MRPL57: variants seen among roughly 807,000 people sequenced by gnomAD.
The protein encoded by MRPL57 is large ribosomal subunit protein mL63.
Under a neutral mutation model 1.3 loss-of-function variants are expected in MRPL57, and 1 was observed. The observed-to-expected ratio is 0.79, with a 90% CI of 0.28 to 3.75. The LOEUF (loss-of-function observed/expected upper bound fraction) is 3.75, where lower values mean the gene tolerates loss of function less well. MRPL57 is among the 30% of genes most tolerant of loss of function. The pLI, the probability that MRPL57 is intolerant of heterozygous loss-of-function variation, is 0.19. For synonymous variants in MRPL57, 79 were observed against 61.7 expected, an observed-to-expected ratio of 1.28 and a Z score of -1.31; for missense variants, 170 against 148.9, an observed-to-expected ratio of 1.14 and a Z score of -0.74.
chr13:21,176,926 A>G lies in MRPL57; in HGVS notation c.10A>G (p.Thr4Ala). 6.2e-7 allele frequency: 1 copy of G among 1,608,398 alleles called. No individual in the cohort carries two copies. Among genetic ancestry groups the G allele is most frequent in the Non-Finnish European group, 8.5e-7 (1 of 1,179,268 alleles). Residue 4 changes from threonine (T) to alanine (A), a missense_variant, in exon 2 of 2, where the codon ACT becomes GCT. Coordinates refer to ENST00000309594, the MANE Select transcript of MRPL57 (RefSeq NM_024026.5). ...CTCTTCCGCAGGCACCATGTTCCTG[A>G]CTGCGCTCCTCTGGCGCGGCCGCAT... MFLTALLWRGRIPG... is the reference protein window; with the variant it reads MFLAALLWRGRIPG...
At position 21,176,910 on chromosome 13, in the gene MRPL57, A is replaced by G. The variant is rs367621487; in HGVS notation, c.-5-2A>G. 1.2e-4 allele frequency: 199 copies of G among 1,603,642 alleles called. No homozygotes were observed. The highest frequency in any genetic ancestry group is 1.2e-3 in the Middle Eastern group (7 of 6,042). On this transcript the variant is annotated splice_acceptor_variant, in intron 1 of 1. Coordinates refer to ENST00000309594, the MANE Select transcript of MRPL57 (RefSeq NM_024026.5). LOFTEE classifies it low-confidence loss of function (5UTR_SPLICE). ...CGCAAAGCCCGTCCCTCTCTTCCGC[A>G]GGCACCATGTTCCTGACTGCGCTCC... is the stretch of plus-strand genomic sequence containing the variant.
rs372686263 is a variant in MRPL57 at position 21,177,239 on chromosome 13, C to T, written c.*14C>T. On this transcript the variant is annotated 3_prime_UTR_variant, in exon 2 of 2. Transcript: ENST00000309594. Reference sequence around the variant, plus strand: ...AAATGGTCCTAATCCTGAGTCGTCACCCTTGGATTTTATGGATCACGGAGC... The same window carrying T: ...AAATGGTCCTAATCCTGAGTCGTCATCCTTGGATTTTATGGATCACGGAGC... The T allele has an allele frequency of 2.5e-6, 4 of 1,612,302 alleles. No individual in the cohort carries two copies. The highest frequency in any genetic ancestry group is 2.2e-5 in the East Asian group (1 of 44,892).
At position 21,177,647 on chromosome 13, in the gene MRPL57, G is replaced by C; in HGVS notation, c.*422G>C. ...ACATACTCCTAAAAACATTTTCCGG[G>C]ATTTTACTACTAAAATTGGACATTT... On this transcript the variant is annotated 3_prime_UTR_variant, in exon 2 of 2. Coordinates refer to ENST00000309594, the MANE Select transcript of MRPL57 (RefSeq NM_024026.5). 5.0e-6 allele frequency: 1 copy of C among 201,322 alleles called. No homozygotes were observed. The highest frequency in any genetic ancestry group is 9.5e-5 in the South Asian group (1 of 10,572). The allele number at this position is 201,322 out of a possible 1,614,324, so 12.5% of individuals were successfully genotyped here. A position where few individuals can be genotyped will look rare whatever the true frequency, so the allele number is the denominator to read the frequency against.
chr13:21,177,404 A>C lies in MRPL57; in HGVS notation c.*179A>C. 3 of 640,676 alleles carry C rather than the reference A, an allele frequency of 4.7e-6. No individual in the cohort carries two copies. The highest frequency in any genetic ancestry group is 8.2e-6 in the Non-Finnish European group (3 of 364,496). 39.7% of individuals were successfully genotyped at this position (640,676 alleles called of 1,614,324 possible). On this transcript the variant is annotated 3_prime_UTR_variant, in exon 2 of 2. Coordinates refer to ENST00000309594, the MANE Select transcript of MRPL57 (RefSeq NM_024026.5). ...AGAGCTCTAAACCCCCAATACTTAA[A>C]AGTCTAATTGCTGTCCTGTGGTTTC...
At position 21,177,023 on chromosome 13, in the gene MRPL57, T is replaced by A; in HGVS notation, c.107T>A (p.Ile36Asn). 1 of 1,613,190 alleles carries A rather than the reference T, an allele frequency of 6.2e-7. No individual in the cohort carries two copies. Residue 36 changes from isoleucine to asparagine, a missense_variant, in exon 2 of 2, where the codon ATC becomes AAC. By Grantham distance (149) the Ile-to-Asn change is moderately radical. Transcript: ENST00000309594. ...TCGTTGCGCGCCAAGCAGAACATGA[T>A]CCGCCGCCTGGAGATCGAGGCGGAG... ...FVSLRAKQNMIRRLEIEAENH... is the reference protein window; with the variant it reads ...FVSLRAKQNMNRRLEIEAENH...
In MRPL57 at chr13:21,177,276, A is replaced by C; in HGVS notation, c.*51A>C. 6 of 1,580,182 alleles carry C rather than the reference A, an allele frequency of 3.8e-6. No homozygotes were observed. The highest frequency in any genetic ancestry group is 5.2e-6 in the Non-Finnish European group (6 of 1,156,458). ...ATGGATCACGGAGCTGACCATCTTT[A>C]CCTGGTCCTGGAACTGAAAAACTGT... On this transcript the variant is annotated 3_prime_UTR_variant, in exon 2 of 2. Coordinates refer to ENST00000309594, the MANE Select transcript of MRPL57 (RefSeq NM_024026.5).
Position 21,177,064 on chromosome 13 carries a change from A to C in MRPL57, c.148A>C (p.Ser50Arg). ...CGAGGCGGAGAACCATTACTGGCTG[A>C]GCATGCCCTACATGACCCGGGAGCA... ...EIEAENHYWLSMPYMTREQER... is the reference protein window; with the variant it reads ...EIEAENHYWLRMPYMTREQER... Residue 50 changes from serine (S) to arginine (R), a missense_variant, in exon 2 of 2, where the codon AGC becomes CGC. Physicochemically the swap from Ser to Arg is moderately radical, Grantham distance 110. Coordinates refer to ENST00000309594, the MANE Select transcript of MRPL57 (RefSeq NM_024026.5). The C allele has an allele frequency of 6.2e-7, 1 of 1,613,794 alleles. No individual in the cohort carries two copies. The highest frequency in any genetic ancestry group is 8.5e-7 in the Non-Finnish European group (1 of 1,180,000).
chr13:21,177,408 C>T lies in MRPL57; in HGVS notation c.*183C>T. On this transcript the variant is annotated 3_prime_UTR_variant, in exon 2 of 2. Transcript: ENST00000309594. ...CTCTAAACCCCCAATACTTAAAAGT[C>T]TAATTGCTGTCCTGTGGTTTCATTA... 1.6e-6 allele frequency: 1 copy of T among 638,532 alleles called. No homozygotes were observed. Among genetic ancestry groups the T allele is most frequent in the Non-Finnish European group, 2.8e-6 (1 of 362,868 alleles). 39.6% of individuals were successfully genotyped at this position (638,532 alleles called of 1,614,324 possible).
rs748929326 is a variant in MRPL57 at position 21,177,516 on chromosome 13, C to A, written c.*291C>A. ...CAATAAAGCCACAATGATTTGAGGT[C>A]TTTGCTTAAGTATGAGATACTTGAT... On this transcript the variant is annotated 3_prime_UTR_variant, in exon 2 of 2. Coordinates refer to ENST00000309594, the MANE Select transcript of MRPL57 (RefSeq NM_024026.5). The A allele has an allele frequency of 9.2e-6, 4 of 434,466 alleles. No homozygotes were observed. Among genetic ancestry groups the A allele is most frequent in the Admixed American group, 4.4e-5 (1 of 22,722 alleles). The allele number at this position is 434,466 out of a possible 1,614,324, so 26.9% of individuals were successfully genotyped here.
rs1871624536 is a variant in MRPL57 at position 21,177,162 on chromosome 13, C to T, written c.246C>T (p.Phe82=). The stretch of plus-strand genomic sequence containing the variant: ...TAAAGGCGGCCGCCACTTCCAAGTT[C>T]CCCCCGCATAGATTCATTGCGGACC... ...EAIKAAATSK[F]PPHRFIADQL... Residue 82 remains phenylalanine, a synonymous_variant, in exon 2 of 2, where the codon TTC becomes TTT. Transcript: ENST00000309594. 2.5e-6 allele frequency: 4 copies of T among 1,614,046 alleles called. No individual in the cohort carries two copies. The highest frequency in any genetic ancestry group is 1.7e-4 in the Middle Eastern group (1 of 6,058).
Position 21,177,424 on chromosome 13 carries a change from G to T in MRPL57, c.*199G>T. ...CTTAAAAGTCTAATTGCTGTCCTGT[G>T]GTTTCATTAGTCTGATAGGAAGATA... On this transcript the variant is annotated 3_prime_UTR_variant, in exon 2 of 2. Transcript: ENST00000309594. 1 of 611,120 alleles carries T rather than the reference G, an allele frequency of 1.6e-6. No individual in the cohort carries two copies. Among genetic ancestry groups the T allele is most frequent in the African/African-American group, 1.9e-5 (1 of 53,436 alleles). The allele number at this position is 611,120 out of a possible 1,614,324, so 37.9% of individuals were successfully genotyped here.
intron 1 of MRPL57, 85 bp downstream of exon 1, chr13:21,176,802 G>A: frequency 8.7e-7 from 1 of 1,149,952 alleles, no homozygotes. Context: ...CTCTGGAGGG[G>A]AGGCGGTGCG....
Position 21,176,908 on chromosome 13 carries a change from G to A in MRPL57, c.-5-4G>A, listed in dbSNP as rs759454563. Reference sequence around the variant, plus strand: ...TCCGCAAAGCCCGTCCCTCTCTTCCGCAGGCACCATGTTCCTGACTGCGCT... The same window carrying A: ...TCCGCAAAGCCCGTCCCTCTCTTCCACAGGCACCATGTTCCTGACTGCGCT... On this transcript the variant is annotated splice_polypyrimidine_tract_variant and splice_region_variant and intron_variant, in intron 1 of 1. Transcript: ENST00000309594. 6.2e-7 allele frequency: 1 copy of A among 1,602,840 alleles called. No homozygotes were observed. Among genetic ancestry groups the A allele is most frequent in the Non-Finnish European group, 8.5e-7 (1 of 1,177,390 alleles).
chr13:21,178,642 G>A lies in MRPL57; in HGVS notation c.*1417G>A, dbSNP rs1025054165. On this transcript the variant is annotated 3_prime_UTR_variant, in exon 2 of 2. Transcript: ENST00000309594. ...TCCAGACCAGCCTGGCCAACATGGC[G>A]AAACCCCATCTCTACTAAAAATACA... is the stretch of plus-strand genomic sequence containing the variant. The A allele has an allele frequency of 1.9e-5, 3 of 158,742 alleles. No homozygotes were observed. The highest frequency in any genetic ancestry group is 2.1e-4 in the South Asian group (1 of 4,834). The allele number at this position is 158,742 out of a possible 1,614,324, so 9.8% of individuals were successfully genotyped here. A position where few individuals can be genotyped will look rare whatever the true frequency, so the allele number is the denominator to read the frequency against.
chr13:21,176,847 C>A, intron 1 of MRPL57, 65 bp from the exon 2 acceptor site: 2 of 1,523,848 alleles, frequency 1.3e-6, no homozygotes, highest in South Asian at 1.2e-5. Context: ...AGCGCGCGCC[C>A]GCTGCTCTCT....
intron 1 of MRPL57, 35 bp from the exon 2 acceptor site, chr13:21,176,877 T>TTCGCCTCCGCAAAGCCCGTCCC: frequency 6.3e-7 from 1 of 1,588,150 alleles, no homozygotes; most frequent in Non-Finnish European, 8.5e-7. Flanking sequence ...GCCGCGCCAG[T>TTCGCCTCCGCAAAGCCCGTCCC]TCGCCTCCGC....
At position 21,177,288 on chromosome 13, in the gene MRPL57, A is replaced by C; in HGVS notation, c.*63A>C. On this transcript the variant is annotated 3_prime_UTR_variant, in exon 2 of 2. Transcript: ENST00000309594. The stretch of plus-strand genomic sequence containing the variant: ...GCTGACCATCTTTACCTGGTCCTGG[A>C]ACTGAAAAACTGTAGCTTGTGTGAA... The C allele has an allele frequency of 2.0e-6, 3 of 1,526,318 alleles. No individual in the cohort carries two copies. The highest frequency in any genetic ancestry group is 2.7e-6 in the Non-Finnish European group (3 of 1,114,912). 94.5% of individuals were successfully genotyped at this position (1,526,318 alleles called of 1,614,324 possible).
rs911656816 is a variant in MRPL57, at chr13:21,177,168, G to C, written c.252G>C (p.Pro84=). ...CGGCCGCCACTTCCAAGTTCCCCCC[G>C]CATAGATTCATTGCGGACCAGCTCG... ...IKAAATSKFP[P]HRFIADQLDH... is the part of the protein sequence containing the mutation. The change falls in exon 2 of 2, where the codon CCG becomes CCC. Residue 84 remains proline, a synonymous_variant. Coordinates refer to ENST00000309594, the MANE Select transcript of MRPL57 (RefSeq NM_024026.5). 9.9e-6 allele frequency: 16 copies of C among 1,614,144 alleles called. No individual in the cohort carries two copies. The highest frequency in any genetic ancestry group is 1.4e-5 in the Non-Finnish European group (16 of 1,180,036).
At position 21,176,699 on chromosome 13, in the gene MRPL57, G is replaced by A; in HGVS notation, c.-24G>A. 1.5e-6 allele frequency: 1 copy of A among 671,198 alleles called. No homozygotes were observed. The highest frequency in any genetic ancestry group is 2.0e-5 in the South Asian group (1 of 50,460). The allele number at this position is 671,198 out of a possible 1,614,324, so 41.6% of individuals were successfully genotyped here. On this transcript the variant is annotated 5_prime_UTR_variant, in exon 1 of 2. Coordinates refer to ENST00000309594, the MANE Select transcript of MRPL57 (RefSeq NM_024026.5). ...CTGCTGGCGGCCGCGGAGACGCAGA[G>A]TCTTGAGCAGCGCGGCAGGTGAGTA...
Sources: gnomAD v4.1 joint callset for allele counts on GRCh38, gnomAD v4.1.1 for gene constraint, MANE v1.5 for transcripts, NCBI Gene and HGNC (gene_info 2026-07-23, HGNC 2026-07-21) for gene names.